The following LMF1 variants were observed in gnomAD, a reference collection of about 807,000 sequenced individuals.
The protein encoded by LMF1 is transmembrane protein 112.
Under a neutral mutation model 60.6 loss-of-function variants are expected in LMF1, and 68 were observed. That is an observed-to-expected ratio of 1.12 (90% CI 0.92 to 1.37). The LOEUF is 1.37. LMF1 is among the 40% of genes most tolerant of loss of function. LMF1 has a pLI of 0.00. For synonymous variants in LMF1, 418 were observed against 324.7 expected, an observed-to-expected ratio of 1.29 and a Z score of -3.09; for missense variants, 948 against 767.2, an observed-to-expected ratio of 1.24 and a Z score of -2.78.
chr16:954,306 G>C (rs1225985981), intron 2 of LMF1, 51 bp downstream of exon 2: 1 of 1,557,148 alleles, frequency 6.4e-7, no homozygotes, highest in African/African-American at 1.4e-5. Context: ...CAGTGCCTGT[G>C]CTGAGTGACA....
intron 3 of LMF1, among the ~76,000 whole-genome samples, chr16:916,962 C>A (rs112677067): frequency 1.3e-5 from 2 of 152,166 alleles, no homozygotes; most frequent in Admixed American, 6.5e-5. Context: ...TATTGAGCTC[C>A]GGGTCTGTTA....
intron 1 of LMF1, 108 bp downstream of exon 1, chr16:970,680 T>A: frequency 9.7e-7 from 1 of 1,027,682 alleles, no homozygotes; most frequent in Non-Finnish European, 1.4e-6. Flanking sequence ...GAGGGCTGCG[T>A]GGGGGCGCCG....
intron 9 of LMF1, 60 bp downstream of exon 9, chr16:869,823 A>T (rs2069723623): frequency 6.5e-7 from 1 of 1,534,172 alleles, no homozygotes; most frequent in South Asian, 1.2e-5. Context: ...CCTGCCATCT[A>T]TGGGCAGAAG....
At chr16:902,200 G>C (rs1027529374) in intron 4 of LMF1, 1 of 152,502 alleles carries the variant, frequency 6.6e-6, no homozygotes, top group African/African-American at 2.4e-5. Context: ...GCCTGGGGTG[G>C]ACAGCCCTGG....
At chr16:920,672 G>A (rs1314062071) in intron 3 of LMF1, among the ~76,000 whole-genome samples, 3 of 152,116 alleles carry the variant, frequency 2.0e-5, no homozygotes, top group Admixed American at 6.5e-5. Context: ...AAGAACATGG[G>A]GCAACCCCCC....
chr16:966,296 C>T (rs902570808), intron 1 of LMF1, among the ~76,000 whole-genome samples: 1 of 152,164 alleles, frequency 6.6e-6, no homozygotes, highest in Non-Finnish European at 1.5e-5. Context: ...CAGCAGGGAG[C>T]GTGTGTCCCA....
intron 4 of LMF1, among the ~76,000 whole-genome samples, chr16:896,575 T>C (rs1216036381): frequency 1.3e-5 from 2 of 151,862 alleles, no homozygotes; most frequent in African/African-American, 4.8e-5. Flanking sequence ...CAGCCGAGGG[T>C]GTCCAGCTGA....
At chr16:976,543 G>C in intron 1 of LMF1, 1 of 454,112 alleles carries the variant, frequency 2.2e-6, no homozygotes, top group Non-Finnish European at 4.4e-6. Context: ...GGCTGCTTGG[G>C]GCCCCAGGGC....
At chr16:948,772 GCCAACGAC>G (rs2072331726) in intron 2 of LMF1, among the ~76,000 whole-genome samples, 4 of 132,712 alleles carry the variant, frequency 3.0e-5, no homozygotes, top group Non-Finnish European at 6.3e-5. Flanking sequence ...GACAGAGTCA[GCCAACGAC>G]AGAGTCAGAG....
chr16:932,403 GT>G (rs1255217558), intron 3 of LMF1, among the ~76,000 whole-genome samples: 2 of 152,222 alleles, frequency 1.3e-5, no homozygotes, highest in Non-Finnish European at 2.9e-5. Context: ...AGCCCCCGCG[GT>G]GCTGACCCTC....
chr16:875,894 G>A (rs2069957999), intron 6 of LMF1, among the ~76,000 whole-genome samples: 2 of 152,186 alleles, frequency 1.3e-5, no homozygotes, highest in Admixed American at 1.3e-4. Context: ...TCCAGCAGCT[G>A]GGACCCCAGG....
At position 868,932 on chromosome 16, in the gene LMF1, A is replaced by G. The variant is rs750057713; in HGVS notation, c.1529+12T>C. On this transcript the variant is annotated intron_variant, in intron 10 of 10. Coordinates refer to ENST00000262301, the MANE Select transcript of LMF1 (RefSeq NM_022773.4). ...GGGAGACCCCTGAGCAGCGGCAGGG[A>G]GGGCATCCTACCTGGGCGGGGGCCT... 6 of 1,559,658 alleles carry G rather than the reference A, an allele frequency of 3.8e-6. No homozygotes were observed. Among genetic ancestry groups the G allele is most frequent in the Non-Finnish European group, 2.6e-6 (3 of 1,133,890 alleles).
intron 7 of LMF1, 27 bp from the exon 8 acceptor site, chr16:870,909 T>G: frequency 6.3e-7 from 1 of 1,583,990 alleles, no homozygotes; most frequent in Non-Finnish European, 8.6e-7. Flanking sequence ...ATCTTCCAGG[T>G]GGGGCTCCCA....
chr16:959,546 G>C (rs528165051), intron 1 of LMF1, among the ~76,000 whole-genome samples: 1 of 152,324 alleles, frequency 6.6e-6, no homozygotes, highest in East Asian at 1.9e-4. Context: ...GACCCGACCA[G>C]GAGGTTGGGG....
At chr16:954,037 C>CTT (rs2072594900) in intron 2 of LMF1, among the ~76,000 whole-genome samples, 3 of 136,724 alleles carry the variant, frequency 2.2e-5, no homozygotes, top group African/African-American at 2.6e-5. Context: ...CCCAAACCAG[C>CTT]CTCCTACACG....
At chr16:875,466 G>A (rs1298184043) in intron 6 of LMF1, among the ~76,000 whole-genome samples, 3 of 152,108 alleles carry the variant, frequency 2.0e-5, no homozygotes, top group Non-Finnish European at 2.9e-5. Flanking sequence ...TCCATGTCAC[G>A]GTAGCTCAGC....
chr16:861,258 CTG>C (rs1340997624), intron 10 of LMF1, among the ~76,000 whole-genome samples: 1 of 151,138 alleles, frequency 6.6e-6, no homozygotes, highest in African/African-American at 2.4e-5. Flanking sequence ...ATTTAGGTGT[CTG>C]TGTGTTCATT....
At chr16:969,424 A>T (rs1015101451) in intron 1 of LMF1, among the ~76,000 whole-genome samples, 2 of 152,264 alleles carry the variant, frequency 1.3e-5, no homozygotes, top group African/African-American at 2.4e-5. Flanking sequence ...TGTAGTGATG[A>T]GCGCGTCTCA....
intron 6 of LMF1, chr16:873,618 T>C (rs2891105): frequency 2.5e-5 from 1 of 39,788 alleles, no homozygotes; most frequent in Non-Finnish European, 5.9e-5. Context: ...AGGACATGCC[T>C]GTTCGCGGGG....
Sources: gnomAD v4.1 joint callset for allele counts (sites outside exome capture counted in the v4.1 genomes callset) on GRCh38, gnomAD v4.1.1 for gene constraint, MANE v1.5 for transcripts, NCBI Gene and HGNC (gene_info 2026-07-23, HGNC 2026-07-21) for gene names.